The following SH3D19 variants were observed in gnomAD, a reference collection of about 807,000 sequenced individuals.
SH3D19 encodes SH3 domain containing 19, also known as SH3 domain-containing protein 19.
In SH3D19, 58 loss-of-function variants were observed where a neutral mutation model predicts 112.1. The observed-to-expected ratio is 0.52, with a 90% CI of 0.42 to 0.64. The LOEUF (loss-of-function observed/expected upper bound fraction) is 0.64. Among genes scored for constraint, SH3D19 ranks in the 30% least tolerant of loss-of-function variants. SH3D19 has a pLI of 0.00. For missense variants in SH3D19, 1,090 were observed against 1,263.4 expected, an observed-to-expected ratio of 0.86 and a Z score of 2.08; for synonymous variants, 391 against 448.5, an observed-to-expected ratio of 0.87 and a Z score of 1.62.
At chr4:151,197,143 G>T (rs370676591) in intron 2 of SH3D19, among the ~76,000 whole-genome samples, 2 of 152,110 alleles carry the variant, frequency 1.3e-5, no homozygotes, top group South Asian at 2.1e-4. Flanking sequence ...TCCCACTCCT[G>T]GGTATCTACC....
chr4:151,175,757 C>T, intron 6 of SH3D19, 83 bp from the exon 7 acceptor site: 3 of 1,188,604 alleles, frequency 2.5e-6, no homozygotes, highest in Non-Finnish European at 3.2e-6. Context: ...AGAAGATACA[C>T]AGATTTAAAA....
At chr4:151,192,814 T>G (rs1237689958) in intron 2 of SH3D19, among the ~76,000 whole-genome samples, 1 of 152,236 alleles carries the variant, frequency 6.6e-6, no homozygotes, top group Non-Finnish European at 1.5e-5. Flanking sequence ...CAAGTAGCTA[T>G]GTATATTTAG....
chr4:151,247,768 T>C (rs1771045965), intron 1 of SH3D19, among the ~76,000 whole-genome samples: 1 of 152,234 alleles, frequency 6.6e-6, no homozygotes, highest in Admixed American at 6.5e-5. Context: ...ATAGCGGAGA[T>C]AAATCTTGGA....
At chr4:151,229,083 G>C (rs1459772525) in intron 1 of SH3D19, among the ~76,000 whole-genome samples, 1 of 150,194 alleles carries the variant, frequency 6.7e-6, no homozygotes, top group East Asian at 1.9e-4. Context: ...TTTTGTCCAG[G>C]CTGGTCTCAA....
Position 151,325,293 on chromosome 4 carries a change from A to T in SH3D19, c.60T>A (p.Leu20=). 5.7e-6 allele frequency: 7 copies of T among 1,220,640 alleles called. No homozygotes were observed. The highest frequency in any genetic ancestry group is 7.1e-6 in the Non-Finnish European group (7 of 980,734). The allele number at this position is 1,220,640 out of a possible 1,614,324, so 75.6% of individuals were successfully genotyped here. A position where few individuals can be genotyped will look rare whatever the true frequency, so the allele number is the denominator to read the frequency against. ...GGCCCCGGGCGCGGCGCTGGCCACC[A>T]AGTTCGCGGCGCTCGCGTAGCTCTT... is the stretch of plus-strand genomic sequence containing the variant. ...EEEELRERRE[L]GGQRRARGRA... is the part of the protein sequence containing the mutation. The change falls in exon 1 of 20, where the codon CTT becomes CTA. Residue 20 remains leucine (L), a synonymous_variant. Transcript: ENST00000604030.
intron 1 of SH3D19, among the ~76,000 whole-genome samples, chr4:151,241,960 C>T (rs1000411133): frequency 1.6e-4 from 24 of 150,250 alleles, no homozygotes; most frequent in Non-Finnish European, 2.9e-4. Flanking sequence ...TGGGAGGCTG[C>T]GGTGTGAGGA....
chr4:151,163,542 TA>T (rs1242785344), intron 8 of SH3D19, among the ~76,000 whole-genome samples: 1 of 151,760 alleles, frequency 6.6e-6, no homozygotes, highest in Non-Finnish European at 1.5e-5. Context: ...GGCTATATAA[TA>T]TTGTCAAAAG....
chr4:151,156,599 G>A (rs950969339), intron 9 of SH3D19, among the ~76,000 whole-genome samples: 6 of 152,096 alleles, frequency 3.9e-5, no homozygotes, highest in Non-Finnish European at 8.8e-5. Flanking sequence ...AATAAATGGC[G>A]CTGGGGAAAA....
Position 151,175,390 on chromosome 4 carries a change from C to T in SH3D19, c.814G>A (p.Ala272Thr), listed in dbSNP as rs1286678223. Residue 272 changes from alanine (A) to threonine (T), a missense_variant, in exon 7 of 20, where the codon GCT becomes ACT. Physicochemically the swap from Ala to Thr is moderately conservative, Grantham distance 58. Transcript: ENST00000604030. The part of the protein sequence containing the change: ...PGRPQSLLDN[A>T]STSDSQAVMN... ...ACTGCCTGACTGTCTGAGGTGCTAG[C>T]GTTGTCCAGCAGAGACTGGGGCCGG... 4 of 1,577,162 alleles carry T rather than the reference C, an allele frequency of 2.5e-6. No individual in the cohort carries two copies. Among genetic ancestry groups the T allele is most frequent in the Middle Eastern group, 1.7e-4 (1 of 5,866 alleles).
At chr4:151,303,988 T>A (rs1415080291) in intron 1 of SH3D19, among the ~76,000 whole-genome samples, 2 of 151,932 alleles carry the variant, frequency 1.3e-5, no homozygotes, top group East Asian at 3.9e-4. Flanking sequence ...AAAGCAGATT[T>A]TTTTTTTTTT....
At position 151,133,127 on chromosome 4, in the gene SH3D19, C is replaced by A. The variant is rs1159778367; in HGVS notation, c.2596G>T (p.Ala866Ser). Residue 866 changes from alanine to serine, a missense_variant, in exon 16 of 20, where the codon GCC becomes TCC. Physicochemically the swap from Ala to Ser is moderately conservative, Grantham distance 99 (BLOSUM62 1). Transcript: ENST00000604030. ...GTTCTGCCTCGAACTTCTCCTCTGG[C>A]CCATTCCTCATTCACATACTCTTTA... Reference protein sequence around the residue: ...ILKEYVNEEWARGEVRGRTGI... With the variant: ...ILKEYVNEEWSRGEVRGRTGI... 1 of 1,614,150 alleles carries A rather than the reference C, an allele frequency of 6.2e-7. No individual in the cohort carries two copies. Among genetic ancestry groups the A allele is most frequent in the Admixed American group, 1.7e-5 (1 of 60,028 alleles).
intron 1 of SH3D19, among the ~76,000 whole-genome samples, chr4:151,310,375 CCAAA>C (rs1233926881): frequency 4.0e-5 from 6 of 151,344 alleles, no homozygotes; most frequent in Admixed American, 6.6e-5. Flanking sequence ...CCCTGTTGCA[CCAAA>C]CAAAGAAAAA....
At chr4:151,320,391 A>G (rs1275323093) in intron 1 of SH3D19, among the ~76,000 whole-genome samples, 3 of 152,200 alleles carry the variant, frequency 2.0e-5, no homozygotes, top group African/African-American at 4.8e-5. Flanking sequence ...AAGCTATGGC[A>G]TTTCTCCCCA....
chr4:151,151,121 T>C (rs1031864859), intron 9 of SH3D19, among the ~76,000 whole-genome samples: 1 of 151,986 alleles, frequency 6.6e-6, no homozygotes, highest in Non-Finnish European at 1.5e-5. Context: ...CCACCCCACC[T>C]GGCTAATTTT....
At chr4:151,300,754 G>C (rs1728327533) in intron 1 of SH3D19, 1 of 152,290 alleles carries the variant, frequency 6.6e-6, no homozygotes, top group East Asian at 1.9e-4. Flanking sequence ...GTTGTATAGA[G>C]AATGGATTAG....
intron 7 of SH3D19, among the ~76,000 whole-genome samples, chr4:151,169,390 C>A (rs572575052): frequency 1.3e-5 from 2 of 152,268 alleles, no homozygotes; most frequent in African/African-American, 4.8e-5. Context: ...TGATCTCCCC[C>A]AGCTGTGCTC....
At position 151,322,500 on chromosome 4, in the gene SH3D19, CAA is replaced by C. The variant is rs11420449; in HGVS notation, c.112+2739_112+2740del. On this transcript the variant is annotated intron_variant, in intron 1 of 19. Transcript: ENST00000604030. ...AGTACTTGATTGCCTATAATTCTGC[CAA>C]AAAAAAAAAAAAAATTCAACTGAGC... is the stretch of plus-strand genomic sequence containing the variant. Among the ~76,000 whole-genome samples, 125 of 122,612 alleles carry C rather than the reference CAA, an allele frequency of 1.0e-3. 1 individual carries two copies. The highest frequency in any genetic ancestry group is 2.5e-3 in the Admixed American group (28 of 11,316). 80.4% of individuals were successfully genotyped at this position (122,612 alleles called of 152,430 possible).
At chr4:151,285,734 G>A (rs891432381) in intron 1 of SH3D19, among the ~76,000 whole-genome samples, 2 of 151,960 alleles carry the variant, frequency 1.3e-5, no homozygotes, top group African/African-American at 4.8e-5. Context: ...TGGGTATGGT[G>A]CACAAGCCTG....
chr4:151,167,868 A>C (rs1174596667), intron 7 of SH3D19, among the ~76,000 whole-genome samples: 1 of 150,200 alleles, frequency 6.7e-6, no homozygotes, highest in Admixed American at 6.6e-5. Flanking sequence ...GGAAGTGAGG[A>C]GCGCCTCTTA....
Sources: gnomAD v4.1 joint callset for allele counts (sites outside exome capture counted in the v4.1 genomes callset) on GRCh38, gnomAD v4.1.1 for gene constraint, MANE v1.5 for transcripts, NCBI Gene and HGNC (gene_info 2026-07-23, HGNC 2026-07-21) for gene names.